The following CTPS2 variants were observed in gnomAD, a reference collection of about 807,000 sequenced individuals.
The protein encoded by CTPS2 is CTP synthase 2.
A neutral mutation model predicts 46.8 loss-of-function variants in CTPS2; 19 were observed. The ratio of observed to expected loss-of-function variants is 0.41; its 90% CI spans 0.28 to 0.60. CTPS2 has a LOEUF of 0.60. CTPS2 is among the 20% of genes least tolerant of loss of function. The probability of loss-of-function intolerance (pLI) is 0.35; values close to 1 mark genes in which losing one functional copy is unlikely to be tolerated. For synonymous variants in CTPS2, 151 were observed against 165.2 expected, an observed-to-expected ratio of 0.91 and a Z score of 0.66; for missense variants, 286 against 447.6, an observed-to-expected ratio of 0.64 and a Z score of 3.26.
chrX:16,655,997 T>C (rs1481977054), intron 13 of CTPS2, among the ~76,000 whole-genome samples: 2 of 110,617 alleles, frequency 1.8e-5, no homozygotes, highest in Non-Finnish European at 3.8e-5. Flanking sequence ...GGTTTCACCA[T>C]GTTGGCCAGG....
chrX:16,697,535 C>T (rs762661978), intron 4 of CTPS2, among the ~76,000 whole-genome samples: 8 of 105,752 alleles, frequency 7.6e-5, no homozygotes, highest in African/African-American at 2.8e-4. Context: ...CCTCAACCTC[C>T]CGGGCTCAAA....
chrX:16,674,708 G>C (rs1471018489), intron 10 of CTPS2, among the ~76,000 whole-genome samples: 3 of 106,802 alleles, frequency 2.8e-5, no homozygotes, highest in African/African-American at 1.0e-4. Context: ...CGTGGTGGCA[G>C]GCGCCTGTAG....
At chrX:16,593,477 CTTT>C (rs5901588) in intron 17 of CTPS2, among the ~76,000 whole-genome samples, 1 of 85,205 alleles carries the variant, frequency 1.2e-5, no homozygotes. Flanking sequence ...TGAAATTTTA[CTTT>C]TTTTTTTTTT....
intron 15 of CTPS2, among the ~76,000 whole-genome samples, chrX:16,619,260 G>T: frequency 8.9e-6 from 1 of 112,193 alleles, no homozygotes; most frequent in Admixed American, 9.4e-5. Flanking sequence ...AACTCCATCT[G>T]TCCCATTCCA....
intron 13 of CTPS2, chrX:16,654,600 T>C (rs1932774758): frequency 4.3e-6 from 2 of 463,981 alleles, no homozygotes; most frequent in African/African-American, 4.9e-5. Flanking sequence ...GTCTCTGGTT[T>C]AATTCTTTGC....
At chrX:16,617,737 G>C (rs1176351128) in intron 15 of CTPS2, among the ~76,000 whole-genome samples, 1 of 112,087 alleles carries the variant, frequency 8.9e-6, no homozygotes, top group African/African-American at 3.2e-5. Context: ...ATGGCAACTT[G>C]ATGACCTGGC....
intron 18 of CTPS2, 75 bp downstream of exon 18, chrX:16,590,677 A>G: frequency 5.4e-6 from 3 of 553,096 alleles, no homozygotes; most frequent in East Asian, 3.5e-5. Context: ...GGCGAGTCCT[A>G]TAATACCCGC....
At chrX:16,707,702 G>A (rs1053014378) in intron 1 of CTPS2, among the ~76,000 whole-genome samples, 4 of 112,195 alleles carry the variant, frequency 3.6e-5, no homozygotes, top group Non-Finnish European at 7.5e-5. Flanking sequence ...ACCAGGTGCG[G>A]TGGCTCATGC....
chrX:16,643,039 T>C lies in CTPS2; in HGVS notation c.1297-3796A>G, dbSNP rs762088724. 3.6e-5 allele frequency among the ~76,000 whole-genome samples: 4 copies of C among 112,329 alleles called. No homozygotes were observed. The Middle Eastern group carries it at 0.018, about 518-fold the overall frequency. On this transcript the variant is annotated intron_variant, in intron 13 of 18. Coordinates refer to ENST00000359276, the MANE Select transcript of CTPS2 (RefSeq NM_175859.3). ...AAAATAAAAAAGGATCAATAAGTGATAAAGCTTTAGGAGATGTAAAATCAG... is the reference window on the plus strand; with the variant it reads ...AAAATAAAAAAGGATCAATAAGTGACAAAGCTTTAGGAGATGTAAAATCAG...
chrX:16,641,312 C>T (rs150173879), intron 13 of CTPS2, among the ~76,000 whole-genome samples: 1,447 of 112,515 alleles, frequency 0.013, 18 homozygotes, highest in African/African-American at 0.044. Context: ...CACTACGACT[C>T]TTCAGTCTTC....
intron 1 of CTPS2, among the ~76,000 whole-genome samples, chrX:16,711,231 G>C (rs1339128775): frequency 1.8e-5 from 2 of 112,200 alleles, no homozygotes; most frequent in Non-Finnish European, 3.8e-5. Flanking sequence ...ACCCAATGTA[G>C]CCAAAAATGT....
intron 8 of CTPS2, among the ~76,000 whole-genome samples, chrX:16,683,765 T>TA (rs918830004): frequency 1.1e-4 from 12 of 111,926 alleles, no homozygotes; most frequent in Admixed American, 2.9e-4. Context: ...TGACATTGTA[T>TA]AAAAAAAATG....
intron 10 of CTPS2, among the ~76,000 whole-genome samples, chrX:16,674,172 T>C (rs1240285464): frequency 1.8e-5 from 2 of 110,826 alleles, no homozygotes; most frequent in African/African-American, 6.6e-5. Context: ...GCTGTTTTGT[T>C]TTTGTCTTCA....
chrX:16,590,694 A>G, intron 18 of CTPS2, 58 bp downstream of exon 18: 3 of 658,181 alleles, frequency 4.6e-6, no homozygotes, highest in Non-Finnish European at 7.3e-6. Flanking sequence ...CCGCCTCTAT[A>G]CCAAGATGAC....
In CTPS2 at chrX:16,702,917, C is replaced by T. The variant is rs757552530; in HGVS notation, c.-15G>A. The stretch of plus-strand genomic sequence containing the variant: ...ATGTACTTCATTGGCAGAATAGTGG[C>T]TGGGTGCCAACACCCAGATATAATC... On this transcript the variant is annotated 5_prime_UTR_variant, in exon 2 of 19. Coordinates refer to ENST00000359276, the MANE Select transcript of CTPS2 (RefSeq NM_175859.3). 17 of 1,191,950 alleles carry T rather than the reference C, an allele frequency of 1.4e-5. No individual in the cohort carries two copies. The highest frequency in any genetic ancestry group is 1.9e-5 in the Non-Finnish European group (17 of 882,134).
At position 16,598,655 on chromosome X, in the gene CTPS2, C is replaced by T. The variant is rs760624369; in HGVS notation, c.1692-7793G>A. On this transcript the variant is annotated intron_variant, in intron 17 of 18. Transcript: ENST00000359276. ...CAAGGAGGAATTGGTACCATTCCTT[C>T]TGAAACTATTCCAATCAATAGAAAA... Among the ~76,000 whole-genome samples, 556 of 111,698 alleles carry T rather than the reference C, an allele frequency of 5.0e-3. 5 individuals carry two copies. The highest frequency in any genetic ancestry group is 0.017 in the African/African-American group (527 of 30,763).
At chrX:16,703,087 G>A (rs1348260224) in intron 1 of CTPS2, 146 bp from the exon 2 acceptor site, 3 of 390,856 alleles carry the variant, frequency 7.7e-6, no homozygotes, top group Non-Finnish European at 1.3e-5. Flanking sequence ...AGTGAGTGGT[G>A]CAATCATGGC....
At chrX:16,710,817 C>T (rs1925412011) in intron 1 of CTPS2, among the ~76,000 whole-genome samples, 1 of 112,115 alleles carries the variant, frequency 8.9e-6, no homozygotes, top group African/African-American at 3.2e-5. Context: ...CAGGGTTTCA[C>T]CATGTTGTCC....
At chrX:16,597,169 T>C (rs994935286) in intron 17 of CTPS2, among the ~76,000 whole-genome samples, 2 of 111,869 alleles carry the variant, frequency 1.8e-5, no homozygotes, top group African/African-American at 6.5e-5. Context: ...TGGTAGTTTC[T>C]TTTGCTGTGC....
Sources: gnomAD v4.1 joint callset for allele counts (sites outside exome capture counted in the v4.1 genomes callset) on GRCh38, gnomAD v4.1.1 for gene constraint, MANE v1.5 for transcripts, NCBI Gene and HGNC (gene_info 2026-07-23, HGNC 2026-07-21) for gene names.